The following TRIO variants were observed in gnomAD, a reference collection of about 807,000 sequenced individuals.
TRIO encodes trio Rho guanine nucleotide exchange factor, also known as triple functional domain protein.
Under a neutral mutation model 351.9 loss-of-function variants are expected in TRIO, and 58 were observed. The ratio of observed to expected loss-of-function variants is 0.16; its 90% CI spans 0.13 to 0.21. The LOEUF is 0.21. Among genes scored for constraint, TRIO ranks in the 10% least tolerant of loss-of-function variants. TRIO has a pLI of 1.00. For missense variants in TRIO, 3,201 were observed against 4,027.8 expected (o/e 0.79, Z 5.56); for synonymous variants, 1,758 against 1,595.7 (o/e 1.10, Z -2.42).
intron 10 of TRIO, among the ~76,000 whole-genome samples, chr5:14,333,811 A>C (rs543679506): frequency 4.0e-5 from 6 of 151,566 alleles, no homozygotes; most frequent in Non-Finnish European, 5.9e-5. Flanking sequence ...TTAGGCCCCC[A>C]CCCTGGCCTG....
At chr5:14,165,100 C>G (rs1468608727) in intron 1 of TRIO, among the ~76,000 whole-genome samples, 1 of 152,214 alleles carries the variant, frequency 6.6e-6, no homozygotes, top group African/African-American at 2.4e-5. Flanking sequence ...TAAGCCTTCC[C>G]AGTAGCTCTA....
intron 21 of TRIO, 70 bp from the exon 22 acceptor site, chr5:14,387,368 G>A (rs997446106): frequency 1.0e-5 from 15 of 1,487,302 alleles, no homozygotes; most frequent in African/African-American, 5.6e-5. Flanking sequence ...GAGTCAAGTC[G>A]CCACTGTGTT....
chr5:14,241,701 C>G (rs906710658), intron 1 of TRIO, among the ~76,000 whole-genome samples: 1 of 152,108 alleles, frequency 6.6e-6, no homozygotes, highest in African/African-American at 2.4e-5. Flanking sequence ...AAAACAGTAG[C>G]AATTCAAACA....
At chr5:14,447,005 C>T (rs942651493) in intron 34 of TRIO, among the ~76,000 whole-genome samples, 1 of 152,138 alleles carries the variant, frequency 6.6e-6, no homozygotes, top group African/African-American at 2.4e-5. Context: ...CCGAGGTGGG[C>T]AGATCACTTG....
chr5:14,387,412 C>A (rs577305362), intron 21 of TRIO, 26 bp from the exon 22 acceptor site: 6 of 1,578,582 alleles, frequency 3.8e-6, no homozygotes, highest in Non-Finnish European at 4.3e-6. Flanking sequence ...ATTTGCCTCA[C>A]AATACTTTCC....
rs181691849 is a variant in TRIO at position 14,485,288 on chromosome 5, G to A, written c.6835+42G>A. The A allele has an allele frequency of 1.5e-4, 227 of 1,521,048 alleles. 1 individual carries two copies. The highest frequency in any genetic ancestry group is 1.1e-3 in the Admixed American group (54 of 50,832). 94.2% of individuals were successfully genotyped at this position (1,521,048 alleles called of 1,614,324 possible). ...TACTAGATGTGTGCTTTCTTTCCTC[G>A]TGTACTCACTTGTATTTATCTTCCC... On this transcript the variant is annotated intron_variant, in intron 47 of 56. Transcript: ENST00000344204.
chr5:14,488,390 G>C, intron 48 of TRIO, 130 bp downstream of exon 48: 1 of 1,380,722 alleles, frequency 7.2e-7, no homozygotes, highest in Non-Finnish European at 9.6e-7. Context: ...GCCTCTACCT[G>C]GGACCAGGCT....
At chr5:14,251,085 A>G (rs1794715354) in intron 1 of TRIO, among the ~76,000 whole-genome samples, 1 of 152,156 alleles carries the variant, frequency 6.6e-6, no homozygotes, top group South Asian at 2.1e-4. Flanking sequence ...GTGAGCCCTC[A>G]GCCACTGAGG....
intron 1 of TRIO, among the ~76,000 whole-genome samples, chr5:14,264,784 T>G (rs1203574194): frequency 6.6e-6 from 1 of 152,210 alleles, no homozygotes; most frequent in African/African-American, 2.4e-5. Context: ...CGCAGAGAAG[T>G]GGCCGGCCCG....
At chr5:14,234,549 G>C (rs1422936724) in intron 1 of TRIO, among the ~76,000 whole-genome samples, 1 of 152,202 alleles carries the variant, frequency 6.6e-6, no homozygotes, top group Admixed American at 6.5e-5. Flanking sequence ...TGAGTTGGGG[G>C]AAATGTTCTG....
intron 1 of TRIO, among the ~76,000 whole-genome samples, chr5:14,197,642 A>G (rs867533362): frequency 1.1e-4 from 16 of 152,270 alleles, no homozygotes; most frequent in Middle Eastern, 3.4e-3. Flanking sequence ...AGCTAGGTTA[A>G]CCTGCCTTAG....
intron 1 of TRIO, among the ~76,000 whole-genome samples, chr5:14,207,711 CAGAGAG>C (rs372248634): frequency 6.7e-6 from 1 of 149,132 alleles, no homozygotes; most frequent in Non-Finnish European, 1.5e-5. Context: ...GACCTTGTCT[CAGAGAG>C]AGAGAGAGAG....
chr5:14,287,358 GACAA>G (rs1736539615), intron 4 of TRIO, among the ~76,000 whole-genome samples: 1 of 152,160 alleles, frequency 6.6e-6, no homozygotes, highest in South Asian at 2.1e-4. Context: ...TATTTCACTT[GACAA>G]ACAGCTTTAC....
At chr5:14,448,052 G>C (rs27113) in intron 34 of TRIO, among the ~76,000 whole-genome samples, 25,883 of 152,238 alleles carry the variant, frequency 0.17, 2,234 homozygotes, top group Middle Eastern at 0.28. Context: ...TTTTATAACA[G>C]GGAGAACTTC....
At chr5:14,420,224 A>ATTTC in intron 34 of TRIO, 1 of 718,206 alleles carries the variant, frequency 1.4e-6, no homozygotes, top group Non-Finnish European at 2.2e-6. Flanking sequence ...CTCAGAAATA[A>ATTTC]TGAGTGATCT....
chr5:14,499,752 T>C (rs1013303245), intron 53 of TRIO, among the ~76,000 whole-genome samples: 8 of 152,066 alleles, frequency 5.3e-5, no homozygotes, highest in African/African-American at 1.4e-4. Flanking sequence ...TAAAGGACTT[T>C]AGAAAGGTAT....
At chr5:14,246,494 T>A (rs13177815) in intron 1 of TRIO, among the ~76,000 whole-genome samples, 4,074 of 152,320 alleles carry the variant, frequency 0.027, 78 homozygotes, top group Non-Finnish European at 0.039. Flanking sequence ...ACCCTGTGGC[T>A]GTCACTTCTC....
chr5:14,288,162 T>C (rs1413816067), intron 4 of TRIO, among the ~76,000 whole-genome samples: 1 of 152,252 alleles, frequency 6.6e-6, no homozygotes, highest in Non-Finnish European at 1.5e-5. Context: ...GTGTTAATTA[T>C]TTTCTTGATG....
intron 1 of TRIO, among the ~76,000 whole-genome samples, chr5:14,222,300 A>G (rs1044251965): frequency 3.9e-5 from 6 of 152,344 alleles, no homozygotes; most frequent in Non-Finnish European, 8.8e-5. Context: ...AAACCAAGAA[A>G]GTTGTGTGAC....
Sources: allele counts gnomAD v4.1 joint callset (sites outside exome capture counted in the v4.1 genomes callset), GRCh38; gene constraint gnomAD v4.1.1; transcripts MANE v1.5; gene names NCBI Gene and HGNC (gene_info 2026-07-23, HGNC 2026-07-21).